The following ALMS1 variants were observed in gnomAD, a reference collection of about 807,000 sequenced individuals.
The protein encoded by ALMS1 is ALMS1 centrosome and basal body associated protein, also known as centrosome-associated protein ALMS1.
Under a neutral mutation model 352.2 loss-of-function variants are expected in ALMS1, and 271 were observed. The ratio of observed to expected loss-of-function variants is 0.77; its 90% confidence interval spans 0.70 to 0.85. ALMS1 has a LOEUF of 0.85. ALMS1 is among the 40% of genes least tolerant of loss of function. ALMS1 has a pLI of 0.00. For synonymous variants in ALMS1, 1,865 were observed against 1,761.2 expected (o/e 1.06, Z -1.48); for missense variants, 5,445 against 4,870.7 (o/e 1.12, Z -3.51).
chr2:73,503,259 C>G (rs1411878364), intron 10 of ALMS1, among the ~76,000 whole-genome samples: 1 of 151,994 alleles, frequency 6.6e-6, no homozygotes, highest in Non-Finnish European at 1.5e-5. Flanking sequence ...TTCCCCGACC[C>G]CACAACAGTC....
intron 1 of ALMS1, among the ~76,000 whole-genome samples, chr2:73,403,917 T>C (rs1670920386): frequency 6.6e-6 from 1 of 152,228 alleles, no homozygotes; most frequent in South Asian, 2.1e-4. Context: ...TTTTTCTTTT[T>C]GAGACAGAGT....
intron 7 of ALMS1, among the ~76,000 whole-genome samples, chr2:73,435,408 T>A (rs1671586099): frequency 6.6e-6 from 1 of 152,186 alleles, no homozygotes; most frequent in African/African-American, 2.4e-5. Context: ...TAGTTTTTTT[T>A]AAAGTTATAT....
intron 21 of ALMS1, among the ~76,000 whole-genome samples, chr2:73,608,212 C>G (rs1675855946): frequency 6.6e-6 from 1 of 152,176 alleles, no homozygotes; most frequent in African/African-American, 2.4e-5. Flanking sequence ...TTATCTCACT[C>G]CTTTCCCCCC....
chr2:73,520,657 A>G (rs1018714977), intron 11 of ALMS1, among the ~76,000 whole-genome samples: 1 of 152,112 alleles, frequency 6.6e-6, no homozygotes, highest in Non-Finnish European at 1.5e-5. Flanking sequence ...ATCACTTTCC[A>G]CTGGCCAGGA....
intron 9 of ALMS1, among the ~76,000 whole-genome samples, chr2:73,468,310 A>C (rs1471987097): frequency 6.6e-6 from 1 of 151,886 alleles, no homozygotes; most frequent in African/African-American, 2.4e-5. Context: ...TATTAATAAG[A>C]CTCTATATCC....
chr2:73,465,397 C>G (rs1301003145), intron 9 of ALMS1, among the ~76,000 whole-genome samples: 2 of 152,156 alleles, frequency 1.3e-5, no homozygotes, highest in African/African-American at 4.8e-5. Context: ...AAAGGATTCC[C>G]TATTTAATAA....
chr2:73,529,993 C>G (rs986138797), intron 11 of ALMS1, among the ~76,000 whole-genome samples: 1 of 152,162 alleles, frequency 6.6e-6, no homozygotes, highest in African/African-American at 2.4e-5. Flanking sequence ...CACCAGGTCC[C>G]TCCCTCAACA....
intron 14 of ALMS1, among the ~76,000 whole-genome samples, chr2:73,557,683 C>T (rs1674574589): frequency 6.6e-6 from 1 of 152,192 alleles, no homozygotes; most frequent in South Asian, 2.1e-4. Context: ...GACACGGACC[C>T]TCTAATACCA....
intron 12 of ALMS1, among the ~76,000 whole-genome samples, chr2:73,539,340 A>G (rs984699849): frequency 6.6e-6 from 1 of 152,300 alleles, no homozygotes; most frequent in Non-Finnish European, 1.5e-5. Flanking sequence ...GTTACTAACA[A>G]ACAGAAAGGA....
intron 12 of ALMS1, among the ~76,000 whole-genome samples, chr2:73,537,357 C>T (rs1674050741): frequency 6.6e-6 from 1 of 152,122 alleles, no homozygotes; most frequent in Non-Finnish European, 1.5e-5. Context: ...TCAGGAAAGA[C>T]CCAAGGCGCT....
chr2:73,421,627 A>T (rs558591305), intron 3 of ALMS1, among the ~76,000 whole-genome samples: 1 of 152,258 alleles, frequency 6.6e-6, no homozygotes, highest in Non-Finnish European at 1.5e-5. Flanking sequence ...TTTGCTAGGC[A>T]CTGAGGATAT....
intron 16 of ALMS1, among the ~76,000 whole-genome samples, chr2:73,581,128 G>A (rs1351125767): frequency 1.3e-5 from 2 of 152,158 alleles, no homozygotes; most frequent in Admixed American, 1.3e-4. Flanking sequence ...AATTTTCCAA[G>A]CCCTTATGCC....
intron 15 of ALMS1, 147 bp from the exon 16 acceptor site, chr2:73,572,113 CTT>C (rs1394176149): frequency 1.3e-5 from 9 of 690,642 alleles, no homozygotes; most frequent in Non-Finnish European, 1.8e-5. Flanking sequence ...AGGCATCAGT[CTT>C]TTGTGCAGGC....
In ALMS1 at chr2:73,550,556, G is replaced by A. The variant is rs1444994402; in HGVS notation, c.10078+119G>A. The A allele has an allele frequency of 4.5e-6, 6 of 1,323,816 alleles. No homozygotes were observed. In the South Asian group the frequency reaches 6.6e-5, roughly 14 times the overall value. 82.0% of individuals were successfully genotyped at this position (1,323,816 alleles called of 1,614,324 possible). A position where few individuals can be genotyped will look rare whatever the true frequency, so the allele number is the denominator to read the frequency against. On this transcript the variant is annotated intron_variant, in intron 13 of 22. Coordinates refer to ENST00000613296, the MANE Select transcript of ALMS1 (RefSeq NM_001378454.1). Reference sequence around the variant, plus strand: ...TGTTATACAAGCTTTTCTCCTTGCTGTTATATTGAGCATATACAAGAAGGC... The same window carrying A: ...TGTTATACAAGCTTTTCTCCTTGCTATTATATTGAGCATATACAAGAAGGC...
intron 16 of ALMS1, among the ~76,000 whole-genome samples, chr2:73,593,699 C>A (rs556303683): frequency 5.3e-5 from 8 of 152,192 alleles, no homozygotes; most frequent in African/African-American, 1.9e-4. Context: ...ATTTTAAACA[C>A]CCTCCAAAAA....
intron 16 of ALMS1, among the ~76,000 whole-genome samples, chr2:73,579,310 T>A (rs1445139406): frequency 6.6e-6 from 1 of 151,942 alleles, no homozygotes; most frequent in Non-Finnish European, 1.5e-5. Flanking sequence ...TCCACCTGCC[T>A]TGACCTCCCA....
intron 1 of ALMS1, among the ~76,000 whole-genome samples, chr2:73,406,694 C>G (rs1386790808): frequency 6.6e-6 from 1 of 152,156 alleles, no homozygotes; most frequent in Admixed American, 6.5e-5. Context: ...TCCTTTATAG[C>G]TTTGCCCCCC....
chr2:73,479,752 G>A (rs1184657289), intron 9 of ALMS1, among the ~76,000 whole-genome samples: 1 of 152,102 alleles, frequency 6.6e-6, no homozygotes, highest in Admixed American at 6.6e-5. Flanking sequence ...GCAATTGCTG[G>A]GTCATGTGGT....
chr2:73,402,369 G>A (rs148002684), intron 1 of ALMS1, among the ~76,000 whole-genome samples: 2,897 of 148,120 alleles, frequency 0.02, 112 homozygotes, highest in African/African-American at 0.067. Context: ...CGCCTCCCGA[G>A]TTCAAGCGAT....
Sources: gnomAD v4.1 joint callset for allele counts (sites outside exome capture counted in the v4.1 genomes callset) on GRCh38, gnomAD v4.1.1 for gene constraint, MANE v1.5 for transcripts, NCBI Gene and HGNC (gene_info 2026-07-23, HGNC 2026-07-21) for gene names.